The following UBE3B variants were observed in gnomAD, a reference collection of about 807,000 sequenced individuals.
UBE3B encodes ubiquitin-protein ligase E3B.
Under a neutral mutation model 132.3 loss-of-function variants are expected in UBE3B, and 80 were observed. The observed-to-expected ratio is 0.60, with a 90% CI of 0.50 to 0.73. The LOEUF (loss-of-function observed/expected upper bound fraction) is 0.73. UBE3B is among the 30% of genes least tolerant of loss of function. UBE3B has a pLI of 0.00. For missense variants in UBE3B, 1,196 were observed against 1,362.5 expected, an observed-to-expected ratio of 0.88 and a Z score of 1.92; for synonymous variants, 487 against 520.4, an observed-to-expected ratio of 0.94 and a Z score of 0.87.
intron 24 of UBE3B, 133 bp downstream of exon 24, chr12:109,526,549 G>C (rs1882354510): frequency 4.1e-6 from 4 of 972,914 alleles, no homozygotes; most frequent in Non-Finnish European, 6.2e-6. Context: ...GGAATTTACT[G>C]GTTACAGTTC....
chr12:109,488,676 G>A lies in UBE3B; in HGVS notation c.544+8G>A. 3 of 1,612,412 alleles carry A rather than the reference G, an allele frequency of 1.9e-6. No individual in the cohort carries two copies. The highest frequency in any genetic ancestry group is 1.7e-6 in the Non-Finnish European group (2 of 1,178,490). ...AAATTCTTCGGGGAAAAGGTCTGTG[G>A]GACTTGCTTCAAAATGTTCTCTAAC... On this transcript the variant is annotated splice_region_variant and intron_variant, in intron 7 of 27. Coordinates refer to ENST00000342494, the MANE Select transcript of UBE3B (RefSeq NM_130466.4).
chr12:109,512,018 G>C (rs957057308), intron 18 of UBE3B, among the ~76,000 whole-genome samples: 4 of 152,148 alleles, frequency 2.6e-5, no homozygotes, highest in Admixed American at 6.5e-5. Context: ...GGGTACTTGG[G>C]GGGTGTTTTC....
At chr12:109,518,775 A>G (rs998522150) in intron 19 of UBE3B, among the ~76,000 whole-genome samples, 1 of 152,212 alleles carries the variant, frequency 6.6e-6, no homozygotes, top group Non-Finnish European at 1.5e-5. Context: ...TCCCTCAGGG[A>G]TGGCAAAAGA....
Position 109,510,471 on chromosome 12 carries a change from G to T in UBE3B, c.1856+13G>T, listed in dbSNP as rs1880234150. Reference sequence around the variant, plus strand: ...ACTGGCTGCGAAAGTGAGCTCCAGGGGTGAGGAGGGCTCCATGGAAGCCAG... The same window carrying T: ...ACTGGCTGCGAAAGTGAGCTCCAGGTGTGAGGAGGGCTCCATGGAAGCCAG... On this transcript the variant is annotated intron_variant, in intron 17 of 27. Transcript: ENST00000342494. 1 of 1,600,708 alleles carries T rather than the reference G, an allele frequency of 6.2e-7. No individual in the cohort carries two copies. The highest frequency in any genetic ancestry group is 1.3e-5 in the African/African-American group (1 of 74,774).
chr12:109,521,309 A>C lies in UBE3B; in HGVS notation c.2238A>C (p.Ala746=). ...EEIIKRVFDP[A]LNLFKTTSGD... is the part of the protein sequence containing the mutation. ...TCATCAAGAGAGTTTTTGACCCAGC[A>C]CTCAATCTGTTCAAGGTATTTAAGG... The change falls in exon 20 of 28, where the codon GCA becomes GCC. Residue 746 remains alanine (A), a synonymous_variant. Transcript: ENST00000342494. The surrounding 1 kb of genome is among the most constrained non-coding windows in gnomAD (Gnocchi z 4.2). 1 of 1,614,164 alleles carries C rather than the reference A, an allele frequency of 6.2e-7. No homozygotes were observed.
At chr12:109,507,424 C>A in intron 14 of UBE3B, 140 bp from the exon 15 acceptor site, 1 of 902,968 alleles carries the variant, frequency 1.1e-6, no homozygotes, top group Non-Finnish European at 1.7e-6. Context: ...TAATGCTTTT[C>A]TCCATAATCC....
At chr12:109,500,238 T>C (rs1193931598) in intron 12 of UBE3B, among the ~76,000 whole-genome samples, 1 of 152,198 alleles carries the variant, frequency 6.6e-6, no homozygotes, top group Non-Finnish European at 1.5e-5. Flanking sequence ...AGGTGGAATA[T>C]AAATTTTTAA....
chr12:109,483,424 G>A, intron 2 of UBE3B, 107 bp from the exon 3 acceptor site: 1 of 1,201,486 alleles, frequency 8.3e-7, no homozygotes, highest in African/African-American at 1.5e-5. Context: ...CAGGTCCTGA[G>A]TATCTCTGCT....
At chr12:109,518,654 G>A (rs1204697477) in intron 19 of UBE3B, among the ~76,000 whole-genome samples, 1 of 152,192 alleles carries the variant, frequency 6.6e-6, no homozygotes, top group Non-Finnish European at 1.5e-5. Flanking sequence ...GGGTGGTATA[G>A]ATTGCAGTAT....
intron 2 of UBE3B, among the ~76,000 whole-genome samples, chr12:109,482,406 C>T (rs563094201): frequency 3.9e-5 from 6 of 152,322 alleles, no homozygotes; most frequent in African/African-American, 1.4e-4. Flanking sequence ...TTTGCTCCCA[C>T]TTCTAAGTGA....
intron 13 of UBE3B, among the ~76,000 whole-genome samples, chr12:109,501,949 C>G (rs937476008): frequency 3.9e-5 from 6 of 152,070 alleles, no homozygotes; most frequent in African/African-American, 1.2e-4. Context: ...CATATATGAG[C>G]CACCATACCT....
chr12:109,482,041 T>G (rs924277483), intron 2 of UBE3B, among the ~76,000 whole-genome samples: 14 of 152,292 alleles, frequency 9.2e-5, no homozygotes, highest in African/African-American at 3.1e-4. Context: ...ACCAACTTTT[T>G]TTTGGTTATA....
chr12:109,502,732 G>T (rs1043716592), intron 13 of UBE3B, among the ~76,000 whole-genome samples: 1 of 152,162 alleles, frequency 6.6e-6, no homozygotes, highest in Admixed American at 6.5e-5. Context: ...ACCATTGTGG[G>T]TTTTGAAATT....
At chr12:109,516,700 G>C (rs1233196732) in intron 18 of UBE3B, 65 bp from the exon 19 acceptor site, 1 of 1,582,214 alleles carries the variant, frequency 6.3e-7, no homozygotes, top group Non-Finnish European at 8.6e-7. Flanking sequence ...CATTTTTGCA[G>C]AGTGTTTTTA....
At chr12:109,518,250 T>C (rs2136040798) in intron 19 of UBE3B, among the ~76,000 whole-genome samples, 1 of 152,310 alleles carries the variant, frequency 6.6e-6, no homozygotes, top group Middle Eastern at 3.4e-3. Context: ...AGCCTCAGTG[T>C]TGGGGAGCAG....
intron 12 of UBE3B, 144 bp from the exon 13 acceptor site, chr12:109,501,227 T>C: frequency 9.7e-7 from 1 of 1,033,220 alleles, no homozygotes; most frequent in Non-Finnish European, 1.4e-6. Context: ...AGTTCCACTT[T>C]TTATTTTTGT....
intron 15 of UBE3B, 89 bp from the exon 16 acceptor site, chr12:109,509,507 C>T (rs892436698): frequency 5.4e-6 from 4 of 744,894 alleles, no homozygotes; most frequent in Non-Finnish European, 8.9e-6. Flanking sequence ...ATTTCTCAAC[C>T]TCGTTTATTG....
At chr12:109,546,772 C>T in the UBE3B span, among the ~76,000 whole-genome samples, 2 of 152,180 alleles carry the variant, frequency 1.3e-5, no homozygotes, top group Admixed American at 1.3e-4. Context: ...CAATGTGGCA[C>T]GATCTCGGCT....
chr12:109,527,113 A>G (rs916697505), intron 24 of UBE3B, among the ~76,000 whole-genome samples: 7 of 152,180 alleles, frequency 4.6e-5, no homozygotes, highest in Non-Finnish European at 7.3e-5. Context: ...GCAGTTGTAT[A>G]AAACAGTGTT....
Sources: gnomAD v4.1 joint callset for allele counts (sites outside exome capture counted in the v4.1 genomes callset) on GRCh38, gnomAD v4.1.1 for gene constraint, Gnocchi (gnomAD v3.1) non-coding constraint, MANE v1.5 for transcripts, NCBI Gene and HGNC (gene_info 2026-07-23, HGNC 2026-07-21) for gene names.